PPARG: variants seen among roughly 807,000 people sequenced by gnomAD.
The protein encoded by PPARG is peroxisome proliferator-activated receptor gamma.
Under a neutral mutation model 39.2 loss-of-function variants are expected in PPARG, and 17 were observed. The ratio of observed to expected loss-of-function variants is 0.43; its 90% confidence interval spans 0.30 to 0.65. The LOEUF (loss-of-function observed/expected upper bound fraction) is 0.65. Among genes scored for constraint, PPARG ranks in the 30% least tolerant of loss-of-function variants. The pLI is 0.13. For synonymous variants in PPARG, 223 were observed against 215.7 expected, an observed-to-expected ratio of 1.03 and a Z score of -0.30; for missense variants, 406 against 585.9, an observed-to-expected ratio of 0.69 and a Z score of 3.17.
chr3:12,307,138 C>CTTT (rs71268430), intron 1 of PPARG, among the ~76,000 whole-genome samples: 22,070 of 128,314 alleles, frequency 0.17, 2,116 homozygotes, highest in East Asian at 0.31. Flanking sequence ...TTAGGAAATT[C>CTTT]TTTTTTTTTT....
intron 2 of PPARG, among the ~76,000 whole-genome samples, chr3:12,364,145 A>G (rs1391131390): frequency 6.6e-6 from 1 of 152,150 alleles, no homozygotes; most frequent in Non-Finnish European, 1.5e-5. Flanking sequence ...AAGGACACAT[A>G]TCCACCATTG....
intron 2 of PPARG, among the ~76,000 whole-genome samples, chr3:12,369,029 A>G (rs2049117929): frequency 6.6e-6 from 1 of 152,192 alleles, no homozygotes; most frequent in Non-Finnish European, 1.5e-5. Flanking sequence ...AAGATAGTGA[A>G]TTTTAGCTTA....
intron 1 of PPARG, among the ~76,000 whole-genome samples, chr3:12,296,021 G>T (rs1231670790): frequency 6.6e-6 from 1 of 151,562 alleles, no homozygotes; most frequent in Non-Finnish European, 1.5e-5. Context: ...GGCAGCTGAG[G>T]TAGGCAGATC....
At chr3:12,344,230 C>T (rs1385844228) in intron 2 of PPARG, among the ~76,000 whole-genome samples, 1 of 152,138 alleles carries the variant, frequency 6.6e-6, no homozygotes, top group Non-Finnish European at 1.5e-5. Flanking sequence ...CCCCTGACAG[C>T]GTAGGCACTC....
intron 6 of PPARG, among the ~76,000 whole-genome samples, chr3:12,408,682 GC>G (rs1259404916): frequency 6.7e-6 from 1 of 149,730 alleles, no homozygotes; most frequent in Admixed American, 6.7e-5. Flanking sequence ...TCCCACCTCA[GC>G]CTCCCAAAGA....
At chr3:12,405,025 C>G (rs2050610520) in intron 5 of PPARG, among the ~76,000 whole-genome samples, 1 of 152,088 alleles carries the variant, frequency 6.6e-6, no homozygotes, top group South Asian at 2.1e-4. Context: ...GCCAGGTACC[C>G]TTATTATGGG....
At chr3:12,354,026 T>C (rs1179462508) in intron 2 of PPARG, among the ~76,000 whole-genome samples, 1 of 152,232 alleles carries the variant, frequency 6.6e-6, no homozygotes, top group Admixed American at 6.5e-5. Context: ...AGAGACATGA[T>C]AAATGCTGCA....
intron 2 of PPARG, among the ~76,000 whole-genome samples, chr3:12,313,842 C>G (rs2125001353): frequency 6.6e-6 from 1 of 152,164 alleles, no homozygotes; most frequent in East Asian, 1.9e-4. Context: ...ACATAAATGA[C>G]TGAATAAGTA....
rs527314537 is a variant in PPARG at position 12,310,709 on chromosome 3, C to T, written c.-82-1671C>T. ...CGATCTCCAGACCTCGTGATCCGCC[C>T]GCCTCGGCCTCCCAAAGTGCTGGGA... On this transcript the variant is annotated intron_variant, in intron 1 of 7. Transcript: ENST00000651735. Among the ~76,000 whole-genome samples, 783 of 141,166 alleles carry T rather than the reference C, an allele frequency of 5.5e-3. 92 individuals are homozygous for T. The highest frequency in any genetic ancestry group is 0.019 in the African/African-American group (731 of 38,196). The allele number at this position is 141,166 out of a possible 152,430, so 92.6% of individuals were successfully genotyped here.
chr3:12,306,822 C>T (rs1224037687), intron 1 of PPARG, among the ~76,000 whole-genome samples: 1 of 152,138 alleles, frequency 6.6e-6, no homozygotes. Context: ...CTGGGCCGGG[C>T]GCGGTGGCTC....
intron 2 of PPARG, among the ~76,000 whole-genome samples, chr3:12,344,381 T>C (rs1166762517): frequency 8.7e-6 from 1 of 114,664 alleles, no homozygotes. Context: ...ATGTGTCTAA[T>C]AAAGATTGTT....
At chr3:12,325,264 T>TA (rs1451489021) in intron 2 of PPARG, among the ~76,000 whole-genome samples, 1 of 151,896 alleles carries the variant, frequency 6.6e-6, no homozygotes, top group East Asian at 1.9e-4. Context: ...CTACTAAAGA[T>TA]ACAAAAATTA....
intron 7 of PPARG, among the ~76,000 whole-genome samples, chr3:12,424,873 G>A (rs763535784): frequency 2.5e-4 from 38 of 152,142 alleles, no homozygotes; most frequent in Non-Finnish European, 5.0e-4. Context: ...AGGACCCTGA[G>A]CAAACCAAAT....
chr3:12,351,128 C>T (rs970171575), intron 2 of PPARG, among the ~76,000 whole-genome samples: 3 of 152,148 alleles, frequency 2.0e-5, no homozygotes, highest in African/African-American at 7.2e-5. Flanking sequence ...CCCAAATAAG[C>T]TTTCTGGTAT....
chr3:12,310,439 G>A (rs1162465220), intron 1 of PPARG, among the ~76,000 whole-genome samples: 1 of 125,696 alleles, frequency 8.0e-6, no homozygotes, highest in African/African-American at 3.0e-5. Flanking sequence ...TTTTACCTTT[G>A]TTTTCACGTA....
chr3:12,428,943 G>A (rs975790058), intron 7 of PPARG, among the ~76,000 whole-genome samples: 4 of 151,126 alleles, frequency 2.6e-5, no homozygotes, highest in South Asian at 2.1e-4. Context: ...TATTTAGTCC[G>A]GTCTGTTTTG....
chr3:12,410,866 A>T (rs1394250666), intron 6 of PPARG, among the ~76,000 whole-genome samples: 1 of 152,208 alleles, frequency 6.6e-6, no homozygotes, highest in Non-Finnish European at 1.5e-5. Context: ...CAGCTAAACA[A>T]CGTATGGGTT....
At chr3:12,293,041 G>T (rs894614669) in intron 1 of PPARG, among the ~76,000 whole-genome samples, 2 of 152,204 alleles carry the variant, frequency 1.3e-5, no homozygotes, top group Admixed American at 6.5e-5. Context: ...ATCTTCCACT[G>T]CCTTAATCCT....
At chr3:12,324,172 G>C (rs1304448850) in intron 2 of PPARG, among the ~76,000 whole-genome samples, 1 of 152,082 alleles carries the variant, frequency 6.6e-6, no homozygotes, top group Admixed American at 6.5e-5. Flanking sequence ...CCCGTTACTT[G>C]GGAGGCTGAG....
Sources: gnomAD v4.1 joint callset for allele counts (sites outside exome capture counted in the v4.1 genomes callset) on GRCh38, gnomAD v4.1.1 for gene constraint, MANE v1.5 for transcripts, NCBI Gene and HGNC (gene_info 2026-07-23, HGNC 2026-07-21) for gene names.